Variants in AFTPH observed in about 807,000 individuals in gnomAD.
AFTPH encodes the protein aftiphilin protein.
AFTPH carries 7 observed loss-of-function variants against 72.5 expected under a neutral mutation model. The ratio of observed to expected loss-of-function variants is 0.10; its 90% CI spans 0.05 to 0.18. The LOEUF (loss-of-function observed/expected upper bound fraction) is 0.18. Among genes scored for constraint, AFTPH ranks in the 10% least tolerant of loss-of-function variants. The probability of loss-of-function intolerance (pLI) is 1.00; values close to 1 mark genes in which losing one functional copy is unlikely to be tolerated. For synonymous variants in AFTPH, 337 were observed against 370.1 expected (o/e 0.91, Z 1.03); for missense variants, 979 against 1,060.5 (o/e 0.92, Z 1.07).
At chr2:64,584,371 T>C (rs1421090381) in intron 7 of AFTPH, among the ~76,000 whole-genome samples, 3 of 152,116 alleles carry the variant, frequency 2.0e-5, no homozygotes, top group Admixed American at 6.5e-5. Flanking sequence ...GCAATAAATC[T>C]AACCCTCTGA....
chr2:64,592,069 C>CT lies in AFTPH; in HGVS notation c.*40dup, dbSNP rs757199934. 7 of 1,573,400 alleles carry CT rather than the reference C, an allele frequency of 4.4e-6. No individual in the cohort carries two copies. The Admixed American group carries it at 6.8e-5, about 15-fold the overall frequency. On this transcript the variant is annotated 3_prime_UTR_variant, in exon 9 of 9. Transcript: ENST00000238856. Reference sequence around the variant, plus strand: ...AATTGGACAGTTTCTATTGCTTTTCCTTTTTTCCATCCCTTCCCTACCATC... The same window carrying CT: ...AATTGGACAGTTTCTATTGCTTTTCCTTTTTTTCCATCCCTTCCCTACCATC...
At chr2:64,536,566 TAAAAAA>T (rs142981388) in intron 1 of AFTPH, among the ~76,000 whole-genome samples, 1 of 107,644 alleles carries the variant, frequency 9.3e-6, no homozygotes, top group African/African-American at 3.1e-5. Flanking sequence ...GACTCCATCT[TAAAAAA>T]AAAAAAAAAA....
chr2:64,564,050 C>CATTTT (rs1399438212), intron 2 of AFTPH, among the ~76,000 whole-genome samples: 1 of 152,168 alleles, frequency 6.6e-6, no homozygotes, highest in Non-Finnish European at 1.5e-5. Context: ...TAGCAGGTTT[C>CATTTT]ATTTATATAA....
chr2:64,568,901 C>T (rs1468185542), intron 3 of AFTPH, among the ~76,000 whole-genome samples, 191 bp from the exon 4 acceptor site: 3 of 152,160 alleles, frequency 2.0e-5, no homozygotes, highest in Non-Finnish European at 4.4e-5. Flanking sequence ...CGTGAGCCAC[C>T]GCACCCAGCC....
chr2:64,553,179 G>C, exon 2 of AFTPH: 1 of 1,614,172 alleles, frequency 6.2e-7, no homozygotes, highest in South Asian at 1.1e-5. Context: ...TCCTAGCCAA[G>C]TTGTAGATTG....
intron 7 of AFTPH, chr2:64,581,205 C>G (rs746486382): frequency 5.6e-6 from 9 of 1,596,298 alleles, no homozygotes; most frequent in Non-Finnish European, 6.8e-6. Context: ...GGAGGTTCCA[C>G]TCTTCTGAAC....
chr2:64,576,324 G>A (rs757323218), intron 6 of AFTPH, among the ~76,000 whole-genome samples: 21 of 151,972 alleles, frequency 1.4e-4, no homozygotes, highest in Non-Finnish European at 2.6e-4. Context: ...AAGCACAATT[G>A]TATAATTCCC....
At chr2:64,585,336 G>C in intron 7 of AFTPH, 86 bp from the exon 9 acceptor site, 4 of 1,505,610 alleles carry the variant, frequency 2.7e-6, no homozygotes, top group Non-Finnish European at 3.7e-6. Context: ...GATGTTTACA[G>C]AATATTGCCT....
intron 6 of AFTPH, among the ~76,000 whole-genome samples, chr2:64,573,341 G>T (rs950526845): frequency 3.3e-5 from 5 of 151,330 alleles, no homozygotes; most frequent in African/African-American, 1.2e-4. Context: ...TCTATAAATT[G>T]AAGGGTTTAA....
intron 1 of AFTPH, among the ~76,000 whole-genome samples, chr2:64,547,240 A>T (rs186223589): frequency 6.6e-6 from 1 of 152,194 alleles, no homozygotes; most frequent in Non-Finnish European, 1.5e-5. Flanking sequence ...TTCTTCTTCA[A>T]TCTGAAACAG....
exon 2 of AFTPH, chr2:64,551,560 G>A (rs1671049463): frequency 6.2e-7 from 1 of 1,614,046 alleles, no homozygotes; most frequent in East Asian, 2.2e-5. Flanking sequence ...GATGAATTTG[G>A]GGAATTTGGT....
chr2:64,576,815 A>G (rs532190814), intron 6 of AFTPH, among the ~76,000 whole-genome samples: 2 of 152,210 alleles, frequency 1.3e-5, no homozygotes, highest in East Asian at 1.9e-4. Context: ...CTAGAGTGCA[A>G]TGGCGCAGTC....
At chr2:64,564,392 T>G (rs1006413687) in intron 2 of AFTPH, among the ~76,000 whole-genome samples, 31 of 152,224 alleles carry the variant, frequency 2.0e-4, no homozygotes, top group African/African-American at 7.2e-4. Flanking sequence ...GTGCCAAATA[T>G]TTAATCCTCT....
At chr2:64,530,280 G>T (rs899499583) in intron 1 of AFTPH, among the ~76,000 whole-genome samples, 3 of 151,896 alleles carry the variant, frequency 2.0e-5, no homozygotes, top group Admixed American at 6.6e-5. Context: ...GTGTTTTGTA[G>T]TTTTTTTTGT....
exon 4 of AFTPH, chr2:64,569,217 T>C (rs769860662): frequency 6.2e-7 from 1 of 1,611,192 alleles, no homozygotes; most frequent in South Asian, 1.1e-5. Context: ...ACCCGAAACA[T>C]TGTGAGTTTG....
chr2:64,527,280 A>G (rs1050147319), intron 1 of AFTPH, among the ~76,000 whole-genome samples: 3 of 152,188 alleles, frequency 2.0e-5, no homozygotes, highest in Admixed American at 1.3e-4. Flanking sequence ...GTTCTTCACA[A>G]TGAAATTAAA....
chr2:64,549,220 A>C (rs1398376442), intron 1 of AFTPH, among the ~76,000 whole-genome samples: 1 of 150,368 alleles, frequency 6.7e-6, no homozygotes, highest in East Asian at 2.0e-4. Flanking sequence ...TTCCTCATGT[A>C]TCTAACTGGG....
chr2:64,549,383 C>T (rs907850930), intron 1 of AFTPH, among the ~76,000 whole-genome samples: 2 of 133,670 alleles, frequency 1.5e-5, no homozygotes, highest in South Asian at 2.5e-4. Flanking sequence ...TGCTGTGGCA[C>T]GATCTCGCCT....
rs560768135 is a variant in AFTPH, at chr2:64,531,575, T to TA, written c.-33+6970dup. The stretch of plus-strand genomic sequence containing the variant: ...ATTCTGTTAGCAAGCTATTTAAGTA[T>TA]AAAAAAATACAGTACTATCTTCTAG... On this transcript the variant is annotated intron_variant, in intron 1 of 8. Transcript: ENST00000238856. Among the ~76,000 whole-genome samples, 30 of 152,160 alleles carry TA rather than the reference T, an allele frequency of 2.0e-4. 1 individual carries two copies. Among genetic ancestry groups the TA allele is most frequent in the Admixed American group, 1.8e-3 (28 of 15,280 alleles).
Sources: gnomAD v4.1 joint callset for allele counts (sites outside exome capture counted in the v4.1 genomes callset) on GRCh38, gnomAD v4.1.1 for gene constraint, MANE v1.5 for transcripts, NCBI Gene and HGNC (gene_info 2026-07-23, HGNC 2026-07-21) for gene names.